IPO5: variants seen among roughly 807,000 people sequenced by gnomAD.
IPO5 encodes the protein importin 5, also known as importin-5.
A neutral mutation model predicts 143.3 loss-of-function variants in IPO5; 18 were observed. The ratio of observed to expected loss-of-function variants is 0.13; its 90% CI spans 0.09 to 0.19. IPO5 has a LOEUF of 0.19. Among genes scored for constraint, IPO5 ranks in the 10% least tolerant of loss-of-function variants. The pLI, the probability that IPO5 is intolerant of heterozygous loss-of-function variation, is 1.00. For missense variants in IPO5, 1,013 were observed against 1,336.9 expected, an observed-to-expected ratio of 0.76 and a Z score of 3.78; for synonymous variants, 477 against 465.7, an observed-to-expected ratio of 1.02 and a Z score of -0.31.
At chr13:97,976,596 G>T in intron 3 of IPO5, 97 bp from the exon 4 acceptor site, 1 of 277,214 alleles carries the variant, frequency 3.6e-6, no homozygotes. Flanking sequence ...CGCCGCTGGT[G>T]CCGGTCCCCG....
intron 6 of IPO5, among the ~76,000 whole-genome samples, chr13:97,988,787 A>T (rs1887582883): frequency 6.6e-6 from 1 of 151,888 alleles, no homozygotes; most frequent in East Asian, 1.9e-4. Context: ...AACTCCATCT[A>T]AAAAAAAGAA....
chr13:98,018,818 T>C, intron 26 of IPO5, 114 bp downstream of exon 26: 1 of 695,978 alleles, frequency 1.4e-6, no homozygotes, highest in South Asian at 1.8e-5. Context: ...TGTAGTCTGT[T>C]TTCAGACATC....
chr13:98,006,267 G>A lies in IPO5; in HGVS notation c.1635G>A (p.Ala545=), dbSNP rs534918698. 8.7e-6 allele frequency: 14 copies of A among 1,611,450 alleles called. No homozygotes were observed. Among genetic ancestry groups the A allele is most frequent in the East Asian group, 6.7e-5 (3 of 44,624 alleles). The part of the protein sequence containing the change: ...MPSLKHIVEN[A]VQKELRLLRG... ...CACTGAAGCACATCGTTGAGAATGC[G>A]GTTCAAAAAGAACTGAGACTTCTGA... Residue 545 remains alanine, a synonymous_variant, in exon 17 of 29, where the codon GCG becomes GCA. Transcript: ENST00000651721.
chr13:98,003,487 T>C (rs1486797430), intron 16 of IPO5, among the ~76,000 whole-genome samples: 1 of 152,234 alleles, frequency 6.6e-6, no homozygotes, highest in African/African-American at 2.4e-5. Context: ...ATAGTAATAG[T>C]GGAAGAGGTG....
At chr13:98,012,466 C>T (rs1257944372) in intron 21 of IPO5, 124 bp downstream of exon 21, 5 of 651,788 alleles carry the variant, frequency 7.7e-6, no homozygotes, top group Admixed American at 2.4e-5. Flanking sequence ...ACTAAGTGTA[C>T]TCTTAGGTGA....
chr13:97,981,577 T>C (rs1886851289), intron 4 of IPO5, among the ~76,000 whole-genome samples: 1 of 152,204 alleles, frequency 6.6e-6, no homozygotes, highest in African/African-American at 2.4e-5. Context: ...TGAGAGCAGG[T>C]AAGCTCTAAA....
intron 24 of IPO5, 93 bp downstream of exon 24, chr13:98,015,874 C>T (rs986436164): frequency 1.3e-6 from 1 of 770,410 alleles, no homozygotes; most frequent in Admixed American, 2.4e-5. Context: ...ACTTGTCATT[C>T]TGATGTAATT....
Position 97,965,005 on chromosome 13 carries a change from C to G in IPO5, c.-112-4718C>G, listed in dbSNP as rs1201367886. Among the ~76,000 whole-genome samples, 5 of 152,150 alleles carry G rather than the reference C, an allele frequency of 3.3e-5. No homozygotes were observed. The East Asian group carries it at 9.6e-4, about 29-fold the overall frequency. ...CACACGTATACCATTGAATACTATG[C>G]AGCCATAAAAAAGAATGAGTTCATG... On this transcript the variant is annotated intron_variant, in intron 2 of 28. Transcript: ENST00000651721.
chr13:97,992,637 TG>T (rs1303371030), intron 9 of IPO5, among the ~76,000 whole-genome samples: 1 of 152,204 alleles, frequency 6.6e-6, no homozygotes, highest in East Asian at 1.9e-4. Flanking sequence ...AGTATTGTAA[TG>T]GTTATTATAG....
chr13:98,004,101 A>G (rs538300572), intron 16 of IPO5, among the ~76,000 whole-genome samples: 4 of 152,354 alleles, frequency 2.6e-5, no homozygotes, highest in South Asian at 2.1e-4. Context: ...GTCAAATGCA[A>G]TGAAAATGGA....
At position 98,018,699 on chromosome 13, in the gene IPO5, G is replaced by A. The variant is rs777664269; in HGVS notation, c.2831G>A (p.Cys944Tyr). The A allele has an allele frequency of 2.6e-5, 42 of 1,612,566 alleles. No homozygotes were observed. Among genetic ancestry groups the A allele is most frequent in the Non-Finnish European group, 3.4e-5 (40 of 1,178,786 alleles). ...GGTGGAGATAATTATCGCCCTTTTT[G>A]TACAGGTACGTTTGCTTATTCCGTT... is the stretch of plus-strand genomic sequence containing the variant. ...QYGGDNYRPF[C>Y]TEALPLLVRV... Residue 944 changes from cysteine to tyrosine, a missense_variant, in exon 26 of 29, where the codon TGT (cysteine) becomes TAT (tyrosine). Physicochemically the swap from Cys to Tyr is radical, Grantham distance 194 (BLOSUM62 -2). This residue lies in a region of IPO5 where 685 missense variants were observed against 994.9 expected (regional missense o/e 0.69). Transcript: ENST00000651721.
intron 2 of IPO5, among the ~76,000 whole-genome samples, chr13:97,956,356 A>C (rs1884459028): frequency 6.6e-6 from 1 of 152,180 alleles, no homozygotes; most frequent in East Asian, 1.9e-4. Context: ...TATTATTATA[A>C]CTTAAAAATC....
rs539915545 is a variant in IPO5, at chr13:97,964,982, C to T, written c.-112-4741C>T. 2.0e-5 allele frequency among the ~76,000 whole-genome samples: 3 copies of T among 152,306 alleles called. No individual in the cohort carries two copies. In the South Asian group the frequency reaches 6.2e-4, roughly 32 times the overall value. On this transcript the variant is annotated intron_variant, in intron 2 of 28. Transcript: ENST00000651721. ...TAGACTGGATAAAGAAAATGTGGCA[C>T]ACGTATACCATTGAATACTATGCAG...
At chr13:97,983,430 A>G (rs1459768699) in intron 5 of IPO5, among the ~76,000 whole-genome samples, 1 of 151,892 alleles carries the variant, frequency 6.6e-6, no homozygotes, top group Non-Finnish European at 1.5e-5. Context: ...ACCAAATTCA[A>G]ATTTGTTTTA....
In IPO5 at chr13:98,002,690, A is replaced by G. The variant is rs1272675775; in HGVS notation, c.1240A>G (p.Arg414Gly). 6.2e-7 allele frequency: 1 copy of G among 1,610,272 alleles called. No individual in the cohort carries two copies. The highest frequency in any genetic ancestry group is 8.5e-7 in the Non-Finnish European group (1 of 1,178,078). The change falls in exon 15 of 29, where the codon AGA (arginine) becomes GGA (glycine). Residue 414 changes from arginine (R) to glycine (G), a missense_variant. Transcript: ENST00000651721. ...VLLFLQDPHPRVRYAACNAVG... is the reference protein window; with the variant it reads ...VLLFLQDPHPGVRYAACNAVG... ...GAAAGGGAACATTTTCCAGCATCCA[A>G]GAGTAAGGTATGCAGCCTGTAATGC...
chr13:98,007,495 A>G (rs1185949334), intron 17 of IPO5: 1 of 152,306 alleles, frequency 6.6e-6, no homozygotes, highest in African/African-American at 2.4e-5. Context: ...AATTATCAAC[A>G]GAGAAGCTCT....
intron 2 of IPO5, among the ~76,000 whole-genome samples, chr13:97,959,716 G>A (rs891589088): frequency 1.3e-5 from 2 of 152,168 alleles, no homozygotes; most frequent in East Asian, 1.9e-4. Flanking sequence ...CCGGGGTGAC[G>A]GACTGGGACT....
intron 2 of IPO5, among the ~76,000 whole-genome samples, chr13:97,967,684 T>C: frequency 6.6e-6 from 1 of 152,144 alleles, no homozygotes; most frequent in Admixed American, 6.6e-5. Flanking sequence ...CAGGCTGGAG[T>C]GCAGTGGCTC....
At chr13:97,981,175 G>C in intron 4 of IPO5, 1 of 435,474 alleles carries the variant, frequency 2.3e-6, no homozygotes, top group Non-Finnish European at 4.5e-6. Flanking sequence ...CTTTTTACTA[G>C]AATGGGAACT....
Sources: gnomAD v4.1 joint callset for allele counts (sites outside exome capture counted in the v4.1 genomes callset) on GRCh38, gnomAD v4.1.1 for gene constraint, gnomAD v4.1.1 regional missense constraint, MANE v1.5 for transcripts, NCBI Gene and HGNC (gene_info 2026-07-23, HGNC 2026-07-21) for gene names.